MTMR6: variants seen among roughly 807,000 people sequenced by gnomAD.
The protein encoded by MTMR6 is phosphatidylinositol-3,5-bisphosphate 3-phosphatase MTMR6.
Under a neutral mutation model 80.1 loss-of-function variants are expected in MTMR6, and 47 were observed. The observed-to-expected ratio is 0.59, with a 90% CI of 0.46 to 0.75. MTMR6 has a LOEUF of 0.75. Ranked by LOEUF, MTMR6 falls within the 30% of genes least tolerant of loss-of-function variation. The pLI is 0.00. For missense variants in MTMR6, 629 were observed against 730.9 expected, an observed-to-expected ratio of 0.86 and a Z score of 1.61; for synonymous variants, 254 against 253.0, an observed-to-expected ratio of 1.00 and a Z score of -0.04.
intron 1 of MTMR6, among the ~76,000 whole-genome samples, chr13:25,285,665 C>T (rs1205555999): frequency 6.6e-6 from 1 of 152,052 alleles, no homozygotes; most frequent in Non-Finnish European, 1.5e-5. Context: ...CTCTGAGTAG[C>T]TGGGATTACA....
intron 2 of MTMR6, among the ~76,000 whole-genome samples, chr13:25,272,262 C>G (rs1167984283): frequency 6.6e-6 from 1 of 151,970 alleles, no homozygotes; most frequent in African/African-American, 2.4e-5. Flanking sequence ...TAAGTCACAA[C>G]AGAGCACAAA....
rs1439904367 is a variant in MTMR6 at position 25,261,721 on chromosome 13, T to C, written c.673A>G (p.Ser225Gly). 4 of 1,613,910 alleles carry C rather than the reference T, an allele frequency of 2.5e-6. No homozygotes were observed. Among genetic ancestry groups the C allele is most frequent in the Non-Finnish European group, 1.7e-6 (2 of 1,179,842 alleles). The part of the protein sequence containing the change: ...LEDEHLLQAI[S>G]KANPVNRYMY... ...TAGCGATTGACTGGATTGGCTTTAC[T>C]AATGGCTTGAAGCAAATGTTCATCC... Residue 225 changes from serine to glycine, a missense_variant, in exon 6 of 14, where the codon AGT becomes GGT. By Grantham distance (56) the Ser-to-Gly change is moderately conservative (BLOSUM62 0). Transcript: ENST00000381801.
chr13:25,258,462 CT>C, intron 7 of MTMR6, 97 bp downstream of exon 7: 1 of 1,005,292 alleles, frequency 9.9e-7, no homozygotes. Context: ...TTTCTTTTTA[CT>C]TTTTAAAATG....
At position 25,251,917 on chromosome 13, in the gene MTMR6, G is replaced by C. The variant is rs772413591; in HGVS notation, c.1414C>G (p.Leu472Val). 2.1e-5 allele frequency: 33 copies of C among 1,609,586 alleles called. No homozygotes were observed. The South Asian group carries it at 3.7e-4, about 18-fold the overall frequency. Residue 472 changes from leucine to valine, a missense_variant, in exon 12 of 14, where the codon CTC (leucine) becomes GTC (valine). Leu to Val is a conservative substitution (Grantham distance 32, BLOSUM62 1). Transcript: ENST00000381801. This position sits in a 1 kb window ranked among gnomAD's most constrained non-coding sequence, Gnocchi z 4.1. ...AATCTGTGAGATTCGGAACTGTAGA[G>C]AGGATTTAAGTACTTCTTTTGGTCT... ...LEDQKKYLNPLYSSESHRFTV... is the reference protein window; with the variant it reads ...LEDQKKYLNPVYSSESHRFTV...
At chr13:25,274,622 T>C (rs969513109) in intron 1 of MTMR6, among the ~76,000 whole-genome samples, 2 of 152,140 alleles carry the variant, frequency 1.3e-5, no homozygotes, top group African/African-American at 4.8e-5. Flanking sequence ...CAACTTAGTC[T>C]CTATATTCTC....
chr13:25,254,028 T>C, intron 10 of MTMR6, 64 bp from the exon 11 acceptor site: 1 of 1,510,798 alleles, frequency 6.6e-7, no homozygotes, highest in Non-Finnish European at 9.1e-7. Context: ...TCAGGTATTG[T>C]TAATCTTAAA....
At chr13:25,274,040 T>C (rs1957644987) in intron 2 of MTMR6, 31 bp downstream of exon 2, 2 of 1,272,520 alleles carry the variant, frequency 1.6e-6, no homozygotes, top group Middle Eastern at 1.9e-4. Context: ...ATTATTATTA[T>C]GATAAATAGT....
At position 25,261,787 on chromosome 13, in the gene MTMR6, A is replaced by T; in HGVS notation, c.607T>A (p.Cys203Ser). 2 of 1,612,264 alleles carry T rather than the reference A, an allele frequency of 1.2e-6. No homozygotes were observed. The highest frequency in any genetic ancestry group is 1.7e-6 in the Non-Finnish European group (2 of 1,178,926). ...HQDKEAAICR[C>S]SQPLSGFSAR... ...CTGAATCCAGAGAGTGGCTGACTAC[A>T]TCGACAAATGGCAGCCTATTTTTTA... The change falls in exon 6 of 14, where the codon TGT becomes AGT. Residue 203 changes from cysteine to serine, a missense_variant. Physicochemically the swap from Cys to Ser is moderately radical, Grantham distance 112. Coordinates refer to ENST00000381801, the MANE Select transcript of MTMR6 (RefSeq NM_004685.5).
chr13:25,252,044 T>C, intron 11 of MTMR6, 60 bp from the exon 12 acceptor site: 1 of 1,530,176 alleles, frequency 6.5e-7, no homozygotes, highest in East Asian at 2.3e-5. Context: ...GTAATGGTAA[T>C]ATTCATTTTT....
chr13:25,275,920 G>A (rs1183886873), intron 1 of MTMR6, among the ~76,000 whole-genome samples: 2 of 146,728 alleles, frequency 1.4e-5, no homozygotes, highest in Non-Finnish European at 3.0e-5. Flanking sequence ...GAGGAGGGGA[G>A]GGGAGAGGAA....
At chr13:25,259,549 C>T (rs1360859256) in intron 6 of MTMR6, among the ~76,000 whole-genome samples, 1 of 152,040 alleles carries the variant, frequency 6.6e-6, no homozygotes, top group African/African-American at 2.4e-5. Context: ...TTATTCGGTA[C>T]CTAAAGTAAA....
chr13:25,262,382 T>G (rs1418601556), intron 5 of MTMR6, among the ~76,000 whole-genome samples: 1 of 152,144 alleles, frequency 6.6e-6, no homozygotes, highest in East Asian at 1.9e-4. Context: ...GCTGGTTGGT[T>G]TTTGAGACAA....
At chr13:25,277,858 G>A (rs1957758640) in intron 1 of MTMR6, among the ~76,000 whole-genome samples, 1 of 152,084 alleles carries the variant, frequency 6.6e-6, no homozygotes, top group African/African-American at 2.4e-5. Flanking sequence ...TTATCAAGGT[G>A]GGAAATTTGT....
intron 1 of MTMR6, among the ~76,000 whole-genome samples, chr13:25,275,171 A>G (rs1957691592): frequency 6.6e-6 from 1 of 152,222 alleles, no homozygotes; most frequent in South Asian, 2.1e-4. Context: ...TCACGCCTGT[A>G]ATCCCAGCAC....
chr13:25,272,062 T>C (rs9645860), intron 2 of MTMR6, among the ~76,000 whole-genome samples: 96,020 of 152,154 alleles, frequency 0.63, 35,230 homozygotes, highest in Non-Finnish European at 0.84. Flanking sequence ...GAGCTGGTAC[T>C]AAAGACGAAT....
intron 11 of MTMR6, among the ~76,000 whole-genome samples, chr13:25,252,549 T>C (rs567528440): frequency 3.3e-5 from 5 of 152,322 alleles, no homozygotes; most frequent in Admixed American, 3.3e-4. Flanking sequence ...CAAGTAAACA[T>C]AATGTAGGTA....
chr13:25,263,380 ATGAACC>A (rs895604032), intron 5 of MTMR6, among the ~76,000 whole-genome samples: 31 of 152,196 alleles, frequency 2.0e-4, no homozygotes, highest in Non-Finnish European at 3.8e-4. Context: ...CATGATAAGG[ATGAACC>A]TGAAGACTCT....
At chr13:25,268,007 A>C (rs563620805) in intron 2 of MTMR6, 66 bp from the exon 3 acceptor site, 2 of 1,436,528 alleles carry the variant, frequency 1.4e-6, no homozygotes, top group Non-Finnish European at 1.9e-6. Flanking sequence ...TCTAGAATGC[A>C]TAAGTTTAAG....
chr13:25,257,507 A>C (rs546633190), intron 8 of MTMR6, among the ~76,000 whole-genome samples, 186 bp from the exon 9 acceptor site: 4 of 149,568 alleles, frequency 2.7e-5, no homozygotes, highest in South Asian at 2.1e-4. Flanking sequence ...AACAAACAAA[A>C]AAAAAACAAA....
Sources: allele counts gnomAD v4.1 joint callset (sites outside exome capture counted in the v4.1 genomes callset), GRCh38; gene constraint gnomAD v4.1.1; non-coding constraint Gnocchi (gnomAD v3.1); transcripts MANE v1.5; gene names NCBI Gene and HGNC (gene_info 2026-07-23, HGNC 2026-07-21).